The following LIN52 variants were observed in gnomAD, a reference collection of about 807,000 sequenced individuals.
LIN52 encodes lin-52 DREAM MuvB core complex component.
A neutral mutation model predicts 18.5 loss-of-function variants in LIN52; 4 were observed. The ratio of observed to expected loss-of-function variants is 0.22; its 90% CI spans 0.11 to 0.49. The LOEUF (loss-of-function observed/expected upper bound fraction) is 0.49. Among genes scored for constraint, LIN52 ranks in the 20% least tolerant of loss-of-function variants. LIN52 has a pLI of 0.97. For missense variants in LIN52, 102 were observed against 139.5 expected, an observed-to-expected ratio of 0.73 and a Z score of 1.35; for synonymous variants, 34 against 45.5, an observed-to-expected ratio of 0.75 and a Z score of 1.02.
chr14:74,188,203 C>CTTGTTTG (rs2061348586), intron 5 of LIN52, among the ~76,000 whole-genome samples: 2 of 152,044 alleles, frequency 1.3e-5, no homozygotes, highest in African/African-American at 4.8e-5. Context: ...AAGGCCACCC[C>CTTGTTTG]TAACAATATT....
At chr14:74,122,941 G>C (rs1486541913) in intron 5 of LIN52, among the ~76,000 whole-genome samples, 1 of 152,068 alleles carries the variant, frequency 6.6e-6, no homozygotes, top group East Asian at 1.9e-4. Flanking sequence ...AAAGAAGTAT[G>C]GCGAGCCCAG....
intron 2 of LIN52, among the ~76,000 whole-genome samples, chr14:74,094,589 T>C (rs893151552): frequency 6.6e-6 from 1 of 152,184 alleles, no homozygotes; most frequent in African/African-American, 2.4e-5. Context: ...ACAGACAGTT[T>C]ATCAGTGAAT....
rs951549571 is a variant in LIN52 at position 74,121,990 on chromosome 14, C to A, written c.283+20752C>A. On this transcript the variant is annotated intron_variant, in intron 5 of 5. Transcript: ENST00000555028. Reference sequence around the variant, plus strand: ...CTGGAATTTTTGTTTATCATGTAACCAGTAACAATATTCTCATATTCCCAT... The same window carrying A: ...CTGGAATTTTTGTTTATCATGTAACAAGTAACAATATTCTCATATTCCCAT... 3.3e-4 allele frequency among the ~76,000 whole-genome samples: 49 copies of A among 148,666 alleles called. 1 individual carries two copies. The highest frequency in any genetic ancestry group is 3.4e-3 in the Middle Eastern group (1 of 292).
intron 5 of LIN52, among the ~76,000 whole-genome samples, chr14:74,175,711 TACACACACACAC>T (rs35602442): frequency 8.1e-5 from 7 of 86,390 alleles, no homozygotes; most frequent in South Asian, 4.5e-4. Context: ...CACAGACACA[TACACACACACAC>T]ACACACACAC....
intron 1 of LIN52, among the ~76,000 whole-genome samples, chr14:74,086,577 C>G (rs187802859): frequency 6.6e-6 from 1 of 151,940 alleles, no homozygotes; most frequent in Non-Finnish European, 1.5e-5. Context: ...ATCTCTTGAG[C>G]CCAGGGGGTG....
rs114105122 is a variant in LIN52, at chr14:74,189,710, A to G, written c.284-9212A>G. Among the ~76,000 whole-genome samples the G allele has an allele frequency of 1.5e-3, 233 of 152,348 alleles. 1 individual carries two copies. Among genetic ancestry groups the G allele is most frequent in the African/African-American group, 5.5e-3 (230 of 41,572 alleles). ...TAAGATTCTTCTACTTCTGCCTTCA[A>G]TCATCAGGCATCATGGCTGACACTT... On this transcript the variant is annotated intron_variant, in intron 5 of 5. Coordinates refer to ENST00000555028, the MANE Select transcript of LIN52 (RefSeq NM_001024674.3).
intron 5 of LIN52, among the ~76,000 whole-genome samples, chr14:74,134,369 G>C (rs942219745): frequency 5.3e-5 from 8 of 152,140 alleles, no homozygotes; most frequent in Non-Finnish European, 1.2e-4. Context: ...AACTTGCTAG[G>C]AGATTAGGTA....
chr14:74,103,427 ATTTTTTT>A (rs11347849), intron 5 of LIN52, among the ~76,000 whole-genome samples: 2 of 88,576 alleles, frequency 2.3e-5, no homozygotes, highest in Non-Finnish European at 4.4e-5. Flanking sequence ...AAAATGTAAG[ATTTTTTT>A]TTTTTTTTTT....
intron 5 of LIN52, among the ~76,000 whole-genome samples, chr14:74,125,466 T>G (rs980277520): frequency 6.6e-6 from 1 of 152,230 alleles, no homozygotes; most frequent in African/African-American, 2.4e-5. Flanking sequence ...TGGGGTTGTT[T>G]GTTTTTTTCT....
chr14:74,099,564 A>G (rs1339093730), intron 4 of LIN52, among the ~76,000 whole-genome samples: 6 of 151,462 alleles, frequency 4.0e-5, no homozygotes, highest in African/African-American at 1.5e-4. Context: ...AATTCAGGAA[A>G]GAACATTTTT....
At position 74,097,704 on chromosome 14, in the gene LIN52, C is replaced by T. The variant is rs918720512; in HGVS notation, c.133-90C>T. ...GTAATCCGCCCACCTTGGCAGCCAC[C>T]GCATCCGGCCCAGGCTACACTTCTT... is the stretch of plus-strand genomic sequence containing the variant. On this transcript the variant is annotated intron_variant, in intron 3 of 5. Transcript: ENST00000555028. 13 of 934,062 alleles carry T rather than the reference C, an allele frequency of 1.4e-5. No homozygotes were observed. In the African/African-American group the frequency reaches 1.5e-4, roughly 11 times the overall value. The allele number at this position is 934,062 out of a possible 1,614,324, so 57.9% of individuals were successfully genotyped here.
At chr14:74,164,335 A>C (rs1248530165) in intron 5 of LIN52, among the ~76,000 whole-genome samples, 2 of 146,348 alleles carry the variant, frequency 1.4e-5, no homozygotes, top group African/African-American at 5.1e-5. Flanking sequence ...CCTAGGCTGG[A>C]GTGGAGTGAC....
At chr14:74,177,647 A>G (rs1160377600) in intron 5 of LIN52, among the ~76,000 whole-genome samples, 1 of 152,144 alleles carries the variant, frequency 6.6e-6, no homozygotes, top group Non-Finnish European at 1.5e-5. Context: ...TTGATATTTT[A>G]TATCTTGAGC....
At chr14:74,160,364 G>T (rs1450952541) in intron 5 of LIN52, among the ~76,000 whole-genome samples, 1 of 152,120 alleles carries the variant, frequency 6.6e-6, no homozygotes, top group Non-Finnish European at 1.5e-5. Context: ...TTATTTATGG[G>T]CCCAAATACC....
intron 5 of LIN52, among the ~76,000 whole-genome samples, chr14:74,161,604 T>C (rs888277046): frequency 4.6e-5 from 7 of 152,178 alleles, no homozygotes; most frequent in Non-Finnish European, 8.8e-5. Flanking sequence ...CCCCTAGGAC[T>C]GAAGGAGAGT....
intron 5 of LIN52, among the ~76,000 whole-genome samples, chr14:74,162,376 T>C (rs892827187): frequency 1.4e-5 from 2 of 144,000 alleles, no homozygotes; most frequent in Non-Finnish European, 3.0e-5. Flanking sequence ...CTTGGGAGGC[T>C]GGGGCAGGAG....
chr14:74,162,313 TA>T (rs978065335), intron 5 of LIN52, among the ~76,000 whole-genome samples: 2 of 151,738 alleles, frequency 1.3e-5, no homozygotes. Flanking sequence ...TCGTCTCTAC[TA>T]AAAATACAAA....
intron 5 of LIN52, among the ~76,000 whole-genome samples, chr14:74,135,436 A>T (rs544208138): frequency 6.6e-6 from 1 of 152,334 alleles, no homozygotes; most frequent in South Asian, 2.1e-4. Flanking sequence ...CATGATAAGC[A>T]TCAACCTATA....
At position 74,130,278 on chromosome 14, in the gene LIN52, G is replaced by GTTTTTTT. The variant is rs71460958; in HGVS notation, c.283+29052_283+29058dup. Among the ~76,000 whole-genome samples, 36 of 64,812 alleles carry GTTTTTTT rather than the reference G, an allele frequency of 5.6e-4. 5 individuals are homozygous for GTTTTTTT. Among genetic ancestry groups the GTTTTTTT allele is most frequent in the African/African-American group, 1.7e-3 (27 of 15,876 alleles). 42.5% of individuals were successfully genotyped at this position (64,812 alleles called of 152,430 possible). On this transcript the variant is annotated intron_variant, in intron 5 of 5. Transcript: ENST00000555028. ...GAATTTATTAGATAGGCATTTTTTG[G>GTTTTTTT]TTTTTTTTTTTTTTTTTTGAGACAG...
Sources: allele counts gnomAD v4.1 joint callset (sites outside exome capture counted in the v4.1 genomes callset), GRCh38; gene constraint gnomAD v4.1.1; transcripts MANE v1.5; gene names NCBI Gene and HGNC (gene_info 2026-07-23, HGNC 2026-07-21).